DCLK3: variants seen among roughly 807,000 people sequenced by gnomAD.
DCLK3 encodes the protein serine/threonine-protein kinase DCLK3.
In DCLK3, 30 loss-of-function variants were observed where a neutral mutation model predicts 46.4. The ratio of observed to expected loss-of-function variants is 0.65; its 90% CI spans 0.48 to 0.88. The LOEUF (loss-of-function observed/expected upper bound fraction) is 0.88. Ranked by LOEUF, DCLK3 falls within the 40% of genes least tolerant of loss-of-function variation. DCLK3 has a pLI of 0.00. For synonymous variants in DCLK3, 401 were observed against 339.2 expected, an observed-to-expected ratio of 1.18 and a Z score of -2.00; for missense variants, 846 against 907.1, an observed-to-expected ratio of 0.93 and a Z score of 0.87.
chr3:36,744,080 G>A (rs1376630762), intron 1 of DCLK3, among the ~76,000 whole-genome samples: 1 of 152,186 alleles, frequency 6.6e-6, no homozygotes, highest in African/African-American at 2.4e-5. Context: ...ATCTTAGTAG[G>A]TGTAAACATT....
At chr3:36,721,788 C>A (rs1701064864) in intron 2 of DCLK3, 129 bp from the exon 3 acceptor site, 3 of 1,060,302 alleles carry the variant, frequency 2.8e-6, no homozygotes, top group South Asian at 1.7e-5. Flanking sequence ...CAGCTTAGCC[C>A]AACACTGACA....
chr3:36,744,596 T>G (rs1412634403), intron 1 of DCLK3, among the ~76,000 whole-genome samples: 1 of 152,268 alleles, frequency 6.6e-6, no homozygotes, highest in Non-Finnish European at 1.5e-5. Context: ...TCTTACTTAT[T>G]GCTGAGGATG....
chr3:36,743,234 A>G (rs1456992907), intron 1 of DCLK3, among the ~76,000 whole-genome samples: 1 of 141,252 alleles, frequency 7.1e-6, no homozygotes, highest in Admixed American at 7.5e-5. Context: ...CAGAGCTGGG[A>G]TGCTCAACTG....
intron 1 of DCLK3, among the ~76,000 whole-genome samples, chr3:36,746,135 T>C (rs548843271): frequency 9.3e-4 from 142 of 152,350 alleles, no homozygotes; most frequent in Non-Finnish European, 1.5e-3. Context: ...GACTTTTTCC[T>C]GCTCTTATCT....
chr3:36,725,311 CA>C (rs11303085), intron 2 of DCLK3, among the ~76,000 whole-genome samples: 105,297 of 133,206 alleles, frequency 0.79, 40,643 homozygotes, highest in Middle Eastern at 0.85. Context: ...GACTCCGTCT[CA>C]AAAAAAAAAA....
intron 1 of DCLK3, among the ~76,000 whole-genome samples, chr3:36,747,787 C>T (rs1015464549): frequency 6.6e-6 from 1 of 152,116 alleles, no homozygotes; most frequent in African/African-American, 2.4e-5. Flanking sequence ...ATTTTGATCC[C>T]CTTTACGACC....
chr3:36,732,534 A>G (rs866635572), intron 2 of DCLK3, among the ~76,000 whole-genome samples: 23 of 152,234 alleles, frequency 1.5e-4, no homozygotes, highest in Non-Finnish European at 2.8e-4. Context: ...AATCTCTTAC[A>G]TAACAGCATT....
At chr3:36,754,426 A>G (rs1701469038) in intron 1 of DCLK3, among the ~76,000 whole-genome samples, 1 of 152,246 alleles carries the variant, frequency 6.6e-6, no homozygotes, top group African/African-American at 2.4e-5. Flanking sequence ...TTTATTTTAC[A>G]TTAAACAGTC....
At chr3:36,726,128 C>T (rs1434653634) in intron 2 of DCLK3, among the ~76,000 whole-genome samples, 1 of 152,030 alleles carries the variant, frequency 6.6e-6, no homozygotes, top group Non-Finnish European at 1.5e-5. Context: ...AGGGCGCAAA[C>T]CCAGCATATC....
At chr3:36,727,612 C>T (rs1701141137) in intron 2 of DCLK3, among the ~76,000 whole-genome samples, 1 of 152,164 alleles carries the variant, frequency 6.6e-6, no homozygotes, top group African/African-American at 2.4e-5. Flanking sequence ...CTCTTTCAAT[C>T]TCAGGATCAT....
Position 36,738,357 on chromosome 3 carries a change from C to G in DCLK3, c.810G>C (p.Glu270Asp), listed in dbSNP as rs2125531086. The G allele has an allele frequency of 6.6e-7, 1 of 1,505,048 alleles. No individual in the cohort carries two copies. The highest frequency in any genetic ancestry group is 8.8e-7 in the Non-Finnish European group (1 of 1,130,326). 93.2% of individuals were successfully genotyped at this position (1,505,048 alleles called of 1,614,324 possible). ...TGGGGGGCTTGCTACTGGGTTCTGGCTCCCATTTCCCCCTCCCCCACTTCT... is the reference window on the plus strand; with the variant it reads ...TGGGGGGCTTGCTACTGGGTTCTGGGTCCCATTTCCCCCTCCCCCACTTCT... ...TQKKWGRGKW[E>D]PEPSSKPPRE... Residue 270 changes from glutamate (E) to aspartate (D), a missense_variant, in exon 2 of 5, where the codon GAG (glutamate) becomes GAC (aspartate). This residue lies in a region of DCLK3 where 553 missense variants were observed against 543.0 expected (regional missense o/e 1.02). Transcript: ENST00000636136.
chr3:36,758,267 C>G (rs960978940), intron 1 of DCLK3, among the ~76,000 whole-genome samples: 5 of 152,276 alleles, frequency 3.3e-5, no homozygotes, highest in African/African-American at 1.2e-4. Context: ...TATTCTGGAT[C>G]ATCTGAATGG....
rs931057539 is a variant in DCLK3, at chr3:36,714,929, T to A, written c.*399A>T. 5.9e-6 allele frequency: 1 copy of A among 169,984 alleles called. No individual in the cohort carries two copies. Among genetic ancestry groups the A allele is most frequent in the African/African-American group, 2.4e-5 (1 of 41,560 alleles). 10.5% of individuals were successfully genotyped at this position (169,984 alleles called of 1,614,324 possible). The stretch of plus-strand genomic sequence containing the variant: ...TAATCAGAATACAGGCCCACTTCTG[T>A]TATTCAGAGCACATTTTATTAACAC... On this transcript the variant is annotated 3_prime_UTR_variant, in exon 5 of 5. Transcript: ENST00000636136.
Position 36,741,431 on chromosome 3 carries a change from G to A in DCLK3, c.83-2347C>T, listed in dbSNP as rs139102551. Among the ~76,000 whole-genome samples, 4 of 152,340 alleles carry A rather than the reference G, an allele frequency of 2.6e-5. No individual in the cohort carries two copies. The East Asian group carries it at 7.7e-4, about 29-fold the overall frequency. On this transcript the variant is annotated intron_variant, in intron 1 of 4. Transcript: ENST00000636136. ...TGGACTGAGGCTTTTCCAAGCAGAT[G>A]TGGGAAAAGGATAGGCAGGCCCAAA...
intron 2 of DCLK3, among the ~76,000 whole-genome samples, chr3:36,735,305 G>A (rs1416484199): frequency 1.3e-5 from 2 of 152,320 alleles, no homozygotes; most frequent in South Asian, 4.1e-4. Context: ...ATCAAAAAGC[G>A]AGTAGAGAAA....
Position 36,721,472 on chromosome 3 carries a change from G to A in DCLK3, c.2092+55C>T, listed in dbSNP as rs3796184. ...TTGAAAACTAGTAAATATGACAAATGAAACATTTGTTAGTAAGGGAACTAG... is the reference window on the plus strand; with the variant it reads ...TTGAAAACTAGTAAATATGACAAATAAAACATTTGTTAGTAAGGGAACTAG... On this transcript the variant is annotated intron_variant, in intron 3 of 4. Coordinates refer to ENST00000636136, the MANE Select transcript of DCLK3 (RefSeq NM_001394672.2). The A allele has an allele frequency of 2.3e-4, 367 of 1,585,842 alleles. 3 individuals carry two copies. The East Asian group carries it at 7.5e-3, about 33-fold the overall frequency.
intron 1 of DCLK3, 145 bp from the exon 2 acceptor site, chr3:36,739,229 C>G (rs1439399049): frequency 1.3e-5 from 5 of 394,328 alleles, no homozygotes; most frequent in Non-Finnish European, 1.3e-5. Flanking sequence ...AATGACAGAG[C>G]CTTTATACTT....
At chr3:36,733,740 G>A (rs774795515) in intron 2 of DCLK3, among the ~76,000 whole-genome samples, 98 of 152,294 alleles carry the variant, frequency 6.4e-4, no homozygotes, top group Non-Finnish European at 1.2e-3. Context: ...AAGGGAAGAA[G>A]AGCACCATCA....
chr3:36,762,938 T>C (rs1296659894), intron 1 of DCLK3, among the ~76,000 whole-genome samples: 1 of 152,122 alleles, frequency 6.6e-6, no homozygotes, highest in Non-Finnish European at 1.5e-5. Flanking sequence ...CCCAATACTC[T>C]TTTCTTTTTT....
Sources: allele counts gnomAD v4.1 joint callset (sites outside exome capture counted in the v4.1 genomes callset), GRCh38; gene constraint gnomAD v4.1.1; regional missense constraint gnomAD v4.1.1; transcripts MANE v1.5; gene names NCBI Gene and HGNC (gene_info 2026-07-23, HGNC 2026-07-21).